LCP1: variants seen among roughly 807,000 people sequenced by gnomAD.
The protein encoded by LCP1 is plastin-2.
LCP1 carries 23 observed loss-of-function variants against 72.0 expected under a neutral mutation model. That is an observed-to-expected ratio of 0.32 (90% CI 0.23 to 0.45). The LOEUF (loss-of-function observed/expected upper bound fraction) is 0.45. Among genes scored for constraint, LCP1 ranks in the 20% least tolerant of loss-of-function variants. LCP1 has a pLI of 1.00. For synonymous variants in LCP1, 245 were observed against 275.4 expected (o/e 0.89, Z 1.09); for missense variants, 571 against 748.3 (o/e 0.76, Z 2.76).
At chr13:46,154,557 G>C (rs1165055035) in intron 6 of LCP1, among the ~76,000 whole-genome samples, 1 of 152,180 alleles carries the variant, frequency 6.6e-6, no homozygotes, top group African/African-American at 2.4e-5. Context: ...TAAAACTTTA[G>C]CCAAAGTGAA....
chr13:46,149,202 G>T (rs2045748482), intron 8 of LCP1, among the ~76,000 whole-genome samples: 1 of 152,142 alleles, frequency 6.6e-6, no homozygotes, highest in East Asian at 1.9e-4. Flanking sequence ...TTCTCATAAA[G>T]ATCGAAAAAT....
chr13:46,155,666 A>G (rs1666722936), intron 5 of LCP1, among the ~76,000 whole-genome samples: 1 of 152,148 alleles, frequency 6.6e-6, no homozygotes, highest in South Asian at 2.1e-4. Context: ...TTGGCCTGTG[A>G]TGACAGAGAA....
At chr13:46,169,433 C>A (rs921387052) in intron 1 of LCP1, 3 of 152,314 alleles carry the variant, frequency 2.0e-5, no homozygotes, top group Non-Finnish European at 4.4e-5. Context: ...TGTCTCTATA[C>A]ATTTATTCTA....
intron 12 of LCP1, 132 bp from the exon 13 acceptor site, chr13:46,142,557 G>T: frequency 2.1e-6 from 2 of 944,448 alleles, no homozygotes; most frequent in South Asian, 1.8e-5. Context: ...GTCTCAACTG[G>T]TTCTGCAATT....
At chr13:46,142,838 G>A (rs564922737) in intron 12 of LCP1, 12 of 449,430 alleles carry the variant, frequency 2.7e-5, no homozygotes, top group Admixed American at 1.7e-4. Context: ...CTGTAGCTAC[G>A]CATGGATCAT....
At position 46,130,956 on chromosome 13, in the gene LCP1, G is replaced by A; in HGVS notation, c.1627-18C>T. ...TTCGGGTCCTATGCAGAGACACAGG[G>A]AGGGTTTCATCAACGTGTCCCAAAG... On this transcript the variant is annotated intron_variant, in intron 14 of 15. Coordinates refer to ENST00000323076, the MANE Select transcript of LCP1 (RefSeq NM_002298.5). 6.4e-7 allele frequency: 1 copy of A among 1,567,208 alleles called. No individual in the cohort carries two copies. The highest frequency in any genetic ancestry group is 8.6e-7 in the Non-Finnish European group (1 of 1,162,210).
intron 1 of LCP1, among the ~76,000 whole-genome samples, chr13:46,160,039 C>G (rs2045828571): frequency 6.6e-6 from 1 of 152,192 alleles, no homozygotes; most frequent in African/African-American, 2.4e-5. Flanking sequence ...CTGCTTCCTT[C>G]TTTTTGGAAT....
intron 13 of LCP1, among the ~76,000 whole-genome samples, chr13:46,134,842 G>T (rs554130956): frequency 6.6e-6 from 1 of 151,986 alleles, no homozygotes; most frequent in Non-Finnish European, 1.5e-5. Context: ...TAGGCCAGGC[G>T]CCAGTAATCC....
intron 1 of LCP1, among the ~76,000 whole-genome samples, chr13:46,159,932 A>T (rs2045827792): frequency 6.6e-6 from 1 of 152,150 alleles, no homozygotes; most frequent in African/African-American, 2.4e-5. Flanking sequence ...TCACATCAAG[A>T]GGTAGAGCTT....
At chr13:46,176,034 T>C (rs1345470045) in intron 1 of LCP1, among the ~76,000 whole-genome samples, 1 of 152,138 alleles carries the variant, frequency 6.6e-6, no homozygotes, top group Non-Finnish European at 1.5e-5. Context: ...ATGTTACACC[T>C]GAGATTACTA....
At chr13:46,174,806 T>C (rs2045920185) in intron 1 of LCP1, among the ~76,000 whole-genome samples, 1 of 130,900 alleles carries the variant, frequency 7.6e-6, no homozygotes, top group Non-Finnish European at 1.5e-5. Flanking sequence ...AGATTGTGCC[T>C]GGGCAACAAG....
intron 13 of LCP1, among the ~76,000 whole-genome samples, chr13:46,134,852 C>G (rs1566433745): frequency 6.6e-6 from 1 of 151,924 alleles, no homozygotes; most frequent in Admixed American, 6.6e-5. Context: ...GCCAGTAATC[C>G]CGGCACTTTA....
At chr13:46,178,234 A>G (rs78839746) in intron 1 of LCP1, among the ~76,000 whole-genome samples, 2,845 of 152,266 alleles carry the variant, frequency 0.019, 80 homozygotes, top group African/African-American at 0.062. Flanking sequence ...GTAAGTATTA[A>G]CGTTATTATT....
At chr13:46,172,095 T>C (rs977626140) in intron 1 of LCP1, among the ~76,000 whole-genome samples, 2 of 152,240 alleles carry the variant, frequency 1.3e-5, no homozygotes, top group African/African-American at 4.8e-5. Context: ...AAGAAGGTTT[T>C]CCAGAGAAGG....
chr13:46,161,558 G>A (rs761814645), intron 1 of LCP1, among the ~76,000 whole-genome samples: 5 of 151,566 alleles, frequency 3.3e-5, no homozygotes, highest in Non-Finnish European at 7.4e-5. Flanking sequence ...CCTCCCTCTC[G>A]TCCTTTTTTC....
chr13:46,158,918 G>A lies in LCP1; in HGVS notation c.136C>T (p.Pro46Ser), dbSNP rs2045820498. 6.2e-7 allele frequency: 1 copy of A among 1,613,920 alleles called. No homozygotes were observed. Among genetic ancestry groups the A allele is most frequent in the South Asian group, 1.1e-5 (1 of 91,078 alleles). The change falls in exon 3 of 16, where the codon CCT (proline) becomes TCT (serine). Residue 46 changes from proline (P) to serine (S), a missense_variant. Pro to Ser is a moderately conservative substitution (Grantham distance 74). Coordinates refer to ENST00000323076, the MANE Select transcript of LCP1 (RefSeq NM_002298.5). ...GTAATTTCTCGTACTCTATACCCAG[G>A]CAAAGGCAAGCAAGCAGCCTTGAAC... is the stretch of plus-strand genomic sequence containing the variant. The part of the protein sequence containing the change: ...DLFKAACLPL[P>S]GYRVREITEN...
intron 7 of LCP1, among the ~76,000 whole-genome samples, chr13:46,152,322 T>C (rs2045773762): frequency 6.6e-6 from 1 of 152,126 alleles, no homozygotes; most frequent in South Asian, 2.1e-4. Flanking sequence ...ATTCATCCCA[T>C]ATAATTGCAA....
In LCP1 at chr13:46,147,980, T is replaced by A. The variant is rs138704780; in HGVS notation, c.978+372A>T. On this transcript the variant is annotated intron_variant, in intron 9 of 15. Transcript: ENST00000323076. ...CTCATTGGATTTAACTCCAGTGATA[T>A]TAAATGAGGCACAGAAACGGGCAAA... Among the ~76,000 whole-genome samples, 322 of 152,326 alleles carry A rather than the reference T, an allele frequency of 2.1e-3. 3 individuals carry two copies. Among genetic ancestry groups the A allele is most frequent in the African/African-American group, 7.4e-3 (307 of 41,574 alleles).
At position 46,182,095 on chromosome 13, in the gene LCP1, C is replaced by A. The variant is rs1048516075; in HGVS notation, c.-25+16G>T. On this transcript the variant is annotated intron_variant, in intron 1 of 15. Transcript: ENST00000323076. ...CAAGCGCTTAAAACCAACAAAAACACATGAAGAACATTTACCTTGCAGGAA... is the reference window on the plus strand; with the variant it reads ...CAAGCGCTTAAAACCAACAAAAACAAATGAAGAACATTTACCTTGCAGGAA... 6.6e-6 allele frequency: 1 copy of A among 152,270 alleles called. No individual in the cohort carries two copies. The highest frequency in any genetic ancestry group is 2.4e-5 in the African/African-American group (1 of 41,424). 9.4% of individuals were successfully genotyped at this position (152,270 alleles called of 1,614,324 possible). A position where few individuals can be genotyped will look rare whatever the true frequency, so the allele number is the denominator to read the frequency against.
Sources: allele counts gnomAD v4.1 joint callset (sites outside exome capture counted in the v4.1 genomes callset), GRCh38; gene constraint gnomAD v4.1.1; transcripts MANE v1.5; gene names NCBI Gene and HGNC (gene_info 2026-07-23, HGNC 2026-07-21).